The following CCDC148 variants were observed in gnomAD, a reference collection of about 807,000 sequenced individuals.
The protein encoded by CCDC148 is coiled-coil domain containing 148.
In CCDC148, 89 loss-of-function variants were observed where a neutral mutation model predicts 85.7. The ratio of observed to expected loss-of-function variants is 1.04; its 90% CI spans 0.87 to 1.24. The LOEUF (loss-of-function observed/expected upper bound fraction) is 1.24, where lower values mean the gene tolerates loss of function less well. Ranked by LOEUF, CCDC148 falls within the 50% of genes most tolerant of loss-of-function variation. The probability of loss-of-function intolerance (pLI) is 0.00; values close to 1 mark genes in which losing one functional copy is unlikely to be tolerated. For synonymous variants in CCDC148, 230 were observed against 213.9 expected (o/e 1.08, Z -0.66); for missense variants, 692 against 671.7 (o/e 1.03, Z -0.33).
At chr2:158,292,699 A>G (rs1690950284) in intron 9 of CCDC148, among the ~76,000 whole-genome samples, 2 of 152,212 alleles carry the variant, frequency 1.3e-5, no homozygotes, top group South Asian at 4.1e-4. Flanking sequence ...GCTGGAGAAA[A>G]GTATATATAG....
chr2:158,413,603 CT>C (rs4028060), intron 1 of CCDC148, among the ~76,000 whole-genome samples: 2 of 148,800 alleles, frequency 1.3e-5, no homozygotes, highest in Admixed American at 6.7e-5. Flanking sequence ...TTTCTCTTGC[CT>C]TTTTTTTTTC....
At chr2:158,299,892 G>C (rs563738713) in intron 9 of CCDC148, among the ~76,000 whole-genome samples, 1 of 151,536 alleles carries the variant, frequency 6.6e-6, no homozygotes, top group East Asian at 2.0e-4. Flanking sequence ...TATTCAAAAA[G>C]GTATCTTCTC....
At chr2:158,422,596 A>G (rs866863518) in intron 1 of CCDC148, among the ~76,000 whole-genome samples, 3 of 152,122 alleles carry the variant, frequency 2.0e-5, no homozygotes, top group South Asian at 2.1e-4. Context: ...AAATTACAAG[A>G]GATATTTATG....
chr2:158,294,626 C>A (rs923119183), intron 9 of CCDC148, among the ~76,000 whole-genome samples: 54 of 152,024 alleles, frequency 3.6e-4, no homozygotes, highest in African/African-American at 1.2e-3. Context: ...TAGTTGTAGA[C>A]CAACCGGGGC....
chr2:158,180,529 C>T lies in CCDC148; in HGVS notation c.1371-1533G>A, dbSNP rs566587174. On this transcript the variant is annotated intron_variant, in intron 11 of 13. Transcript: ENST00000283233. ...AGCAGGGTCTTGAGGATTAGGATTC[C>T]AGGCAGAGACAGCAAGTGCAGGGCT... 3.9e-5 allele frequency among the ~76,000 whole-genome samples: 6 copies of T among 152,180 alleles called. No homozygotes were observed. In the South Asian group the frequency reaches 1.2e-3, roughly 32 times the overall value.
intron 10 of CCDC148, among the ~76,000 whole-genome samples, chr2:158,243,508 T>TATATATATATATTA (rs1688438590): frequency 6.6e-6 from 1 of 152,146 alleles, no homozygotes; most frequent in African/African-American, 2.4e-5. Flanking sequence ...TACCACAATC[T>TATATATATATATTA]TTTTGAAATA....
chr2:158,323,916 T>A (rs1362399606), intron 7 of CCDC148, among the ~76,000 whole-genome samples: 1 of 136,044 alleles, frequency 7.4e-6, no homozygotes, highest in Non-Finnish European at 1.6e-5. Context: ...CACCTGGGAA[T>A]AACTTTTTTT....
At chr2:158,206,399 C>A (rs1176872047) in intron 11 of CCDC148, among the ~76,000 whole-genome samples, 1 of 152,192 alleles carries the variant, frequency 6.6e-6, no homozygotes, top group African/African-American at 2.4e-5. Context: ...GCCCCTAAGG[C>A]ACCCTCTGGA....
rs754475557 is a variant in CCDC148, at chr2:158,456,490, T to C, written c.-51A>G. ...AGGGACTCCCCAAACGCAGGAAAAG[T>C]GAAACGCCCACTCCTGGGCTCTCGC... On this transcript the variant is annotated 5_prime_UTR_variant, in exon 1 of 14. Transcript: ENST00000283233. The C allele has an allele frequency of 1.3e-6, 2 of 1,595,912 alleles. No homozygotes were observed. The highest frequency in any genetic ancestry group is 1.3e-5 in the African/African-American group (1 of 74,544).
At chr2:158,226,363 T>C (rs937664526) in intron 10 of CCDC148, among the ~76,000 whole-genome samples, 3 of 152,188 alleles carry the variant, frequency 2.0e-5, no homozygotes, top group African/African-American at 7.2e-5. Flanking sequence ...CACAGCCATA[T>C]TCTATCAGAG....
At position 158,358,465 on chromosome 2, in the gene CCDC148, G is replaced by T. The variant is rs752336107; in HGVS notation, c.131C>A (p.Ala44Asp). 1.3e-4 allele frequency: 210 copies of T among 1,605,968 alleles called. No individual in the cohort carries two copies. Among genetic ancestry groups the T allele is most frequent in the Non-Finnish European group, 1.7e-4 (205 of 1,177,442 alleles). ...ACTTCTAACCTTTAGCTTTGCAGAGGCAGAAGCCAATTTCTTTGCTTCAGT... is the reference window on the plus strand; with the variant it reads ...ACTTCTAACCTTTAGCTTTGCAGAGTCAGAAGCCAATTTCTTTGCTTCAGT... ...ALTEAKKLASASAKLKIRKAM... is the reference protein window; with the variant it reads ...ALTEAKKLASDSAKLKIRKAM... The change falls in exon 2 of 14, where the codon GCC (alanine) becomes GAC (aspartate). Residue 44 changes from alanine to aspartate, a missense_variant. By Grantham distance (126) the Ala-to-Asp change is moderately radical. Coordinates refer to ENST00000283233, the MANE Select transcript of CCDC148 (RefSeq NM_138803.4).
intron 9 of CCDC148, among the ~76,000 whole-genome samples, chr2:158,253,967 T>C (rs1559020697): frequency 2.6e-5 from 4 of 151,534 alleles, no homozygotes; most frequent in Non-Finnish European, 5.9e-5. Flanking sequence ...GACCTACCTA[T>C]CAGGTTACAG....
chr2:158,221,981 A>C (rs1687208326), intron 10 of CCDC148, among the ~76,000 whole-genome samples: 1 of 152,190 alleles, frequency 6.6e-6, no homozygotes, highest in Admixed American at 6.5e-5. Context: ...GAATTCTATT[A>C]ATGACAGATA....
intron 9 of CCDC148, among the ~76,000 whole-genome samples, chr2:158,274,054 C>T (rs1336929645): frequency 1.3e-5 from 2 of 152,136 alleles, no homozygotes; most frequent in Non-Finnish European, 2.9e-5. Flanking sequence ...TGACCCCATA[C>T]TAGAAGCGAG....
intron 1 of CCDC148, among the ~76,000 whole-genome samples, chr2:158,389,595 T>C (rs1685223790): frequency 6.6e-6 from 1 of 152,192 alleles, no homozygotes; most frequent in South Asian, 2.1e-4. Context: ...TTTAAAATCA[T>C]TTCACCATAG....
intron 10 of CCDC148, among the ~76,000 whole-genome samples, chr2:158,228,010 G>C (rs1209719080): frequency 6.6e-6 from 1 of 152,116 alleles, no homozygotes; most frequent in Admixed American, 6.5e-5. Flanking sequence ...TATCATCAGA[G>C]GGAACAGACA....
intron 2 of CCDC148, among the ~76,000 whole-genome samples, chr2:158,354,146 C>A (rs1021705321): frequency 3.3e-5 from 5 of 151,480 alleles, no homozygotes; most frequent in African/African-American, 1.2e-4. Flanking sequence ...AAATTGACAC[C>A]CTAACATCAC....
At chr2:158,264,631 A>C (rs1032118408) in intron 9 of CCDC148, among the ~76,000 whole-genome samples, 8 of 152,042 alleles carry the variant, frequency 5.3e-5, no homozygotes, top group African/African-American at 1.9e-4. Flanking sequence ...AAAATGTAAA[A>C]TTAAGGGGCT....
intron 10 of CCDC148, among the ~76,000 whole-genome samples, chr2:158,234,046 T>C (rs10210983): frequency 0.5 from 76,322 of 151,726 alleles, 19,575 homozygotes; most frequent in Middle Eastern, 0.56. Context: ...CATGGTGGTG[T>C]GTGCCTAATA....
Sources: allele counts gnomAD v4.1 joint callset (sites outside exome capture counted in the v4.1 genomes callset), GRCh38; gene constraint gnomAD v4.1.1; transcripts MANE v1.5; gene names NCBI Gene and HGNC (gene_info 2026-07-23, HGNC 2026-07-21).